COG7: variants seen among roughly 807,000 people sequenced by gnomAD.
COG7 encodes the protein conserved oligomeric Golgi complex subunit 7.
Under a neutral mutation model 91.5 loss-of-function variants are expected in COG7, and 49 were observed. That is an observed-to-expected ratio of 0.54 (90% CI 0.43 to 0.68). The LOEUF (loss-of-function observed/expected upper bound fraction) is 0.68, where lower values mean the gene tolerates loss of function less well. Ranked by LOEUF, COG7 falls within the 30% of genes least tolerant of loss-of-function variation. COG7 has a pLI of 0.00. For missense variants in COG7, 895 were observed against 961.3 expected (o/e 0.93, Z 0.91); for synonymous variants, 365 against 388.7 (o/e 0.94, Z 0.72).
At chr16:23,410,873 T>G (rs30011) in intron 10 of COG7, among the ~76,000 whole-genome samples, 28,969 of 152,040 alleles carry the variant, frequency 0.19, 2,859 homozygotes, top group East Asian at 0.29. Flanking sequence ...GCCTGGCTAA[T>G]TTTTGTTATT....
At chr16:23,413,339 G>T in intron 10 of COG7, 109 bp downstream of exon 10, 2 of 775,388 alleles carry the variant, frequency 2.6e-6, no homozygotes, top group East Asian at 5.0e-5. Context: ...GGCAGTGAAA[G>T]AAAAAAAACG....
intron 6 of COG7, among the ~76,000 whole-genome samples, chr16:23,428,204 C>G (rs1018097680): frequency 6.6e-6 from 1 of 151,542 alleles, no homozygotes; most frequent in Non-Finnish European, 1.5e-5. Context: ...AAAAAATTAG[C>G]TGGGCATGGT....
At chr16:23,409,098 T>TGCGCGCGC (rs1963520486) in intron 11 of COG7, among the ~76,000 whole-genome samples, 2 of 134,222 alleles carry the variant, frequency 1.5e-5, no homozygotes, top group African/African-American at 5.2e-5. Flanking sequence ...TGCGTGCATG[T>TGCGCGCGC]GTGTGTGTGT....
At chr16:23,397,929 G>A in intron 14 of COG7, 117 bp downstream of exon 14, 1 of 867,536 alleles carries the variant, frequency 1.2e-6, no homozygotes, top group Non-Finnish European at 1.9e-6. Flanking sequence ...CAAAGCACAG[G>A]CTACCCAAAA....
intron 3 of COG7, among the ~76,000 whole-genome samples, chr16:23,443,038 A>C (rs1661081972): frequency 6.6e-6 from 1 of 151,996 alleles, no homozygotes; most frequent in African/African-American, 2.4e-5. Context: ...CGTCTCAAAA[A>C]AAAAACAAAA....
chr16:23,420,103 G>A (rs1272632571), intron 7 of COG7, among the ~76,000 whole-genome samples: 2 of 152,118 alleles, frequency 1.3e-5, no homozygotes, highest in Non-Finnish European at 2.9e-5. Flanking sequence ...TCCAGCCTGG[G>A]TGACAGAGCG....
intron 7 of COG7, among the ~76,000 whole-genome samples, chr16:23,419,225 G>T (rs1963710100): frequency 6.6e-6 from 1 of 152,088 alleles, no homozygotes; most frequent in African/African-American, 2.4e-5. Context: ...GACCAACATG[G>T]AGAAACCGAA....
rs781240758 is a variant in COG7 at position 23,424,852 on chromosome 16, C to A, written c.906G>T (p.Val302=). The A allele has an allele frequency of 1.9e-6, 3 of 1,614,224 alleles. No individual in the cohort carries two copies. The Admixed American group carries it at 5.0e-5, about 27-fold the overall frequency. The change falls in exon 7 of 17, where the codon GTG becomes GTT. Residue 302 remains valine (V), a synonymous_variant. Coordinates refer to ENST00000307149, the MANE Select transcript of COG7 (RefSeq NM_153603.4). The stretch of plus-strand genomic sequence containing the variant: ...GCTCCTGCTCGGGCCCTGCCCTCTC[C>A]ACGCCGTTGCTGAGGCAGGAGGGCA... ...PSLPSCLSNG[V]ERAGPEQELT...
At chr16:23,429,869 A>G (rs532027400) in intron 6 of COG7, among the ~76,000 whole-genome samples, 1 of 152,334 alleles carries the variant, frequency 6.6e-6, no homozygotes, top group South Asian at 2.1e-4. Flanking sequence ...AATCTCAAAA[A>G]CACGCTGAGT....
At chr16:23,435,474 A>G (rs184817403) in intron 4 of COG7, among the ~76,000 whole-genome samples, 118 of 152,312 alleles carry the variant, frequency 7.7e-4, no homozygotes, top group African/African-American at 2.8e-3. Flanking sequence ...GCTTAATATC[A>G]AGTAGTTTCT....
At position 23,424,817 on chromosome 16, in the gene COG7, A is replaced by T; in HGVS notation, c.941T>A (p.Leu314Gln). 1 of 1,614,234 alleles carries T rather than the reference A, an allele frequency of 6.2e-7. No individual in the cohort carries two copies. The highest frequency in any genetic ancestry group is 8.5e-7 in the Non-Finnish European group (1 of 1,180,034). Reference sequence around the variant, plus strand: ...GGCGGTGGCGTCGTAGAACTCCAGCAGCCTGGTGAGCTCCTGCTCGGGCCC... The same window carrying T: ...GGCGGTGGCGTCGTAGAACTCCAGCTGCCTGGTGAGCTCCTGCTCGGGCCC... ...RAGPEQELTR[L>Q]LEFYDATAHF... Residue 314 changes from leucine (L) to glutamine (Q), a missense_variant, in exon 7 of 17, where the codon CTG (leucine) becomes CAG (glutamine). Leu to Gln is a moderately radical substitution (Grantham distance 113, BLOSUM62 -2). Coordinates refer to ENST00000307149, the MANE Select transcript of COG7 (RefSeq NM_153603.4).
At chr16:23,412,954 G>C (rs1393264887) in intron 10 of COG7, 3 of 169,312 alleles carry the variant, frequency 1.8e-5, no homozygotes, top group African/African-American at 7.2e-5. Flanking sequence ...CCAAAGTGCT[G>C]GGATGAAAAG....
At chr16:23,426,849 A>G (rs1290791882) in intron 6 of COG7, among the ~76,000 whole-genome samples, 1 of 151,610 alleles carries the variant, frequency 6.6e-6, no homozygotes, top group Non-Finnish European at 1.5e-5. Context: ...AAAGAAAGAA[A>G]GAAAGAAAGA....
At chr16:23,443,937 A>G (rs954328790) in intron 3 of COG7, among the ~76,000 whole-genome samples, 16 of 152,030 alleles carry the variant, frequency 1.1e-4, no homozygotes, top group Non-Finnish European at 2.1e-4. Flanking sequence ...AGATCACCTG[A>G]GGTCAGTAGT....
At chr16:23,419,684 G>A (rs1417922624) in intron 7 of COG7, among the ~76,000 whole-genome samples, 4 of 147,320 alleles carry the variant, frequency 2.7e-5, no homozygotes, top group Non-Finnish European at 4.5e-5. Context: ...AGGAGGTGGA[G>A]GTTGTAATGA....
intron 6 of COG7, among the ~76,000 whole-genome samples, chr16:23,426,332 A>C (rs1470598034): frequency 1.3e-5 from 2 of 152,210 alleles, no homozygotes; most frequent in Non-Finnish European, 2.9e-5. Flanking sequence ...ATTAAAAAAC[A>C]TTGTACACCA....
At chr16:23,440,707 T>C (rs941968928) in intron 4 of COG7, among the ~76,000 whole-genome samples, 2 of 152,040 alleles carry the variant, frequency 1.3e-5, no homozygotes, top group Non-Finnish European at 2.9e-5. Context: ...TCCTCCCACC[T>C]TGACCTCCCA....
chr16:23,416,699 C>A, intron 9 of COG7: 1 of 489,842 alleles, frequency 2.0e-6, no homozygotes, highest in South Asian at 2.4e-5. Flanking sequence ...CTTTTTTTTT[C>A]TTAACATACT....
At chr16:23,421,882 G>A (rs1162202717) in intron 7 of COG7, among the ~76,000 whole-genome samples, 1 of 150,306 alleles carries the variant, frequency 6.7e-6, no homozygotes, top group Non-Finnish European at 1.5e-5. Flanking sequence ...AACAAAATGT[G>A]ACAAGTATCT....
Sources: allele counts gnomAD v4.1 joint callset (sites outside exome capture counted in the v4.1 genomes callset), GRCh38; gene constraint gnomAD v4.1.1; transcripts MANE v1.5; gene names NCBI Gene and HGNC (gene_info 2026-07-23, HGNC 2026-07-21).